The following PARP1 variants were observed in gnomAD, a reference collection of about 807,000 sequenced individuals.
PARP1 encodes the protein poly(ADP-ribose) polymerase 1, also known as poly [ADP-ribose] polymerase 1.
PARP1 carries 44 observed loss-of-function variants against 118.7 expected under a neutral mutation model. The observed-to-expected ratio is 0.37, with a 90% confidence interval of 0.29 to 0.48. The LOEUF is 0.48. Among genes scored for constraint, PARP1 ranks in the 20% least tolerant of loss-of-function variants. PARP1 has a pLI of 0.99. For synonymous variants in PARP1, 492 were observed against 483.2 expected (o/e 1.02, Z -0.24); for missense variants, 1,100 against 1,272.4 (o/e 0.86, Z 2.06).
rs3219057 is a variant in PARP1, at chr1:226,385,515, C to T, written c.1000G>A (p.Val334Ile). ...CCCCTACCCCTTACCTTTGGGGTTA[C>T]CCACTCCTTCCGGTTGGGTGTCTGT... Reference protein sequence around the residue: ...KTQTPNRKEWVTPKEFREISY... With the variant: ...KTQTPNRKEWITPKEFREISY... The change falls in exon 7 of 23, where the codon GTA becomes ATA. Residue 334 changes from valine to isoleucine, a missense_variant. Around this residue, in one of 2 missense-constraint regions of PARP1, gnomAD observed 948 missense variants for 1,031.8 expected, o/e 0.92. Transcript: ENST00000366794. 569 of 1,614,008 alleles carry T rather than the reference C, an allele frequency of 3.5e-4. 2 individuals carry two copies. In the African/African-American group the frequency reaches 6.7e-3, roughly 19 times the overall value.
chr1:226,389,857 G>A (rs1664789356), intron 4 of PARP1, among the ~76,000 whole-genome samples: 1 of 152,198 alleles, frequency 6.6e-6, no homozygotes, highest in South Asian at 2.1e-4. Flanking sequence ...GGGACCAGCA[G>A]AGGGTAAACT....
chr1:226,364,843 CCT>C (rs1170401921), intron 19 of PARP1, among the ~76,000 whole-genome samples, 157 bp downstream of exon 19: 4 of 152,216 alleles, frequency 2.6e-5, no homozygotes, highest in Admixed American at 6.5e-5. Context: ...GTTTGAAACC[CCT>C]GACAGGGTTA....
At chr1:226,392,708 A>G (rs559809154) in intron 2 of PARP1, 36 of 547,098 alleles carry the variant, frequency 6.6e-5, no homozygotes, top group Non-Finnish European at 1.1e-4. Flanking sequence ...CTATTTACCA[A>G]AGTGTTGAAT....
chr1:226,378,946 G>C (rs1664547660), intron 12 of PARP1, among the ~76,000 whole-genome samples, 196 bp downstream of exon 12: 1 of 152,232 alleles, frequency 6.6e-6, no homozygotes. Context: ...TACAAGGACA[G>C]CAACGCTACT....
chr1:226,378,702 G>A (rs994039867), intron 12 of PARP1, among the ~76,000 whole-genome samples: 9 of 152,086 alleles, frequency 5.9e-5, no homozygotes, highest in South Asian at 2.1e-4. Context: ...AGGCATGGTG[G>A]TGCGCACCTA....
At chr1:226,377,632 C>T (rs1456964980) in intron 12 of PARP1, among the ~76,000 whole-genome samples, 2 of 152,172 alleles carry the variant, frequency 1.3e-5, no homozygotes, top group African/African-American at 4.8e-5. Flanking sequence ...ATACAAAGTA[C>T]TATCTGGAAG....
chr1:226,389,370 C>T (rs765861334), intron 4 of PARP1, among the ~76,000 whole-genome samples: 2 of 152,182 alleles, frequency 1.3e-5, no homozygotes, highest in East Asian at 1.9e-4. Context: ...AAAATACAGG[C>T]GCAGGACAGC....
At chr1:226,404,971 A>G (rs1372134325) in intron 1 of PARP1, among the ~76,000 whole-genome samples, 1 of 152,130 alleles carries the variant, frequency 6.6e-6, no homozygotes, top group African/African-American at 2.4e-5. Context: ...GTCTACCGCC[A>G]TCCTCCTCCC....
chr1:226,403,537 G>C (rs3219019), intron 1 of PARP1, among the ~76,000 whole-genome samples: 1 of 152,350 alleles, frequency 6.6e-6, no homozygotes, highest in East Asian at 1.9e-4. Flanking sequence ...ACAGTATGTA[G>C]TGTGTGTCCC....
At chr1:226,386,869 C>G (rs1224822398) in intron 5 of PARP1, among the ~76,000 whole-genome samples, 1 of 152,142 alleles carries the variant, frequency 6.6e-6, no homozygotes, top group African/African-American at 2.4e-5. Context: ...CACCAATTTC[C>G]TTGATGGTAT....
rs79481352 is a variant in PARP1 at position 226,362,511 on chromosome 1, C to T, written c.2849-428G>A. On this transcript the variant is annotated intron_variant, in intron 21 of 22. Coordinates refer to ENST00000366794, the MANE Select transcript of PARP1 (RefSeq NM_001618.4). ...AAAACTAAGGCAATAAACCAAAGTTCCCAGGGCATCAACCTTCACTGAGTT... is the reference window on the plus strand; with the variant it reads ...AAAACTAAGGCAATAAACCAAAGTTTCCAGGGCATCAACCTTCACTGAGTT... Among the ~76,000 whole-genome samples the T allele has an allele frequency of 6.6e-3, 999 of 152,260 alleles. 12 individuals are homozygous for T. Among genetic ancestry groups the T allele is most frequent in the African/African-American group, 0.023 (948 of 41,558 alleles).
chr1:226,402,318 C>T lies in PARP1; in HGVS notation c.182G>A (p.Gly61Asp), dbSNP rs758791748. 3.1e-6 allele frequency: 5 copies of T among 1,613,898 alleles called. No individual in the cohort carries two copies. The highest frequency in any genetic ancestry group is 1.6e-4 in the Middle Eastern group (1 of 6,084). The change falls in exon 2 of 23, where the codon GGC (glycine) becomes GAC (aspartate). Residue 61 changes from glycine (G) to aspartate (D), a missense_variant. Physicochemically the swap from Gly to Asp is moderately conservative, Grantham distance 94 (BLOSUM62 -1). Transcript: ENST00000366794. ...WYHFSCFWKV[G>D]HSIRHPDVEV... Reference sequence around the variant, plus strand: ...AACGTCAGGGTGCCGGATGGAGTGGCCCACCTTCCAGAAGCAGGAGAAGTG... The same window carrying T: ...AACGTCAGGGTGCCGGATGGAGTGGTCCACCTTCCAGAAGCAGGAGAAGTG...
chr1:226,380,275 G>T, intron 9 of PARP1, 111 bp from the exon 10 acceptor site: 1 of 1,039,768 alleles, frequency 9.6e-7, no homozygotes, highest in Non-Finnish European at 1.5e-6. Context: ...AGCATTCACA[G>T]CTCTCCTTTG....
rs1382217202 is a variant in PARP1, at chr1:226,383,107, G to A, written c.1088C>T (p.Ala363Val). 1 of 1,613,104 alleles carries A rather than the reference G, an allele frequency of 6.2e-7. No individual in the cohort carries two copies. The highest frequency in any genetic ancestry group is 8.5e-7 in the Non-Finnish European group (1 of 1,179,918). The change falls in exon 8 of 23, where the codon GCC becomes GTC. Residue 363 changes from alanine to valine, a missense_variant. By Grantham distance (64) the Ala-to-Val change is moderately conservative. Transcript: ENST00000366794. ...QDRIFPPETS[A>V]SVAATPPPST... is the part of the protein sequence containing the mutation. ...GGGCGGAGGCGTGGCCGCCACGGAG[G>A]CGCTGGTTTCTGGGGGGAATATACG...
chr1:226,379,477 C>T (rs1364246233), intron 11 of PARP1, 96 bp downstream of exon 11: 40 of 1,164,572 alleles, frequency 3.4e-5, no homozygotes, highest in Non-Finnish European at 5.0e-5. Flanking sequence ...GACCACACTG[C>T]CCCAGGTATG....
chr1:226,393,703 GAA>G (rs200607759), intron 2 of PARP1, among the ~76,000 whole-genome samples: 5 of 152,228 alleles, frequency 3.3e-5, no homozygotes, highest in African/African-American at 1.2e-4. Context: ...CTGAGTCAGG[GAA>G]AAAAGACTAG....
At chr1:226,388,395 G>A (rs1178288439) in intron 5 of PARP1, among the ~76,000 whole-genome samples, 5 of 152,204 alleles carry the variant, frequency 3.3e-5, no homozygotes, top group South Asian at 2.1e-4. Context: ...GCTGGTGAGC[G>A]GAAACAGAGC....
At chr1:226,400,376 CTG>C (rs1312917906) in intron 2 of PARP1, among the ~76,000 whole-genome samples, 3 of 152,144 alleles carry the variant, frequency 2.0e-5, no homozygotes, top group Non-Finnish European at 4.4e-5. Flanking sequence ...AAAAATAAAA[CTG>C]GAGTCACGCC....
Position 226,388,740 on chromosome 1 carries a change from A to G in PARP1, c.633T>C (p.Asp211=). 2 of 1,613,702 alleles carry G rather than the reference A, an allele frequency of 1.2e-6. No homozygotes were observed. Among genetic ancestry groups the G allele is most frequent in the African/African-American group, 1.3e-5 (1 of 74,998 alleles). ...GVKSEGKRKG[D]EVDGVDEVAK... ...CCACTTCATCCACTCCATCCACCTC[A>G]TCGCCTTTTCTCTTTCTGAAGGAGA... The change falls in exon 5 of 23, where the codon GAT becomes GAC. Residue 211 remains aspartate (D), a synonymous_variant. Transcript: ENST00000366794.
Sources: gnomAD v4.1 joint callset for allele counts (sites outside exome capture counted in the v4.1 genomes callset) on GRCh38, gnomAD v4.1.1 for gene constraint, gnomAD v4.1.1 regional missense constraint, MANE v1.5 for transcripts, NCBI Gene and HGNC (gene_info 2026-07-23, HGNC 2026-07-21) for gene names.